The following CHM variants were observed in gnomAD, a reference collection of about 807,000 sequenced individuals.
CHM encodes the protein rab proteins geranylgeranyltransferase component A 1.
CHM carries 10 observed loss-of-function variants against 49.0 expected under a neutral mutation model. That is an observed-to-expected ratio of 0.20 (90% CI 0.13 to 0.35). The LOEUF (loss-of-function observed/expected upper bound fraction) is 0.35, where lower values mean the gene tolerates loss of function less well. Among genes scored for constraint, CHM ranks in the 10% least tolerant of loss-of-function variants. The pLI is 1.00. For missense variants in CHM, 455 were observed against 478.4 expected (o/e 0.95, Z 0.46); for synonymous variants, 184 against 167.5 (o/e 1.10, Z -0.76).
intron 14 of CHM, among the ~76,000 whole-genome samples, chrX:85,866,733 G>GCATGGCCTGGATGTGAGA (rs1923724537): frequency 8.8e-6 from 1 of 113,154 alleles, no homozygotes. Context: ...CCTTGTATCA[G>GCATGGCCTGGATGTGAGA]CATGGCCTGG....
intron 1 of CHM, among the ~76,000 whole-genome samples, chrX:86,041,038 T>A (rs762084328): frequency 8.9e-6 from 1 of 112,266 alleles, no homozygotes; most frequent in South Asian, 3.7e-4. Context: ...TTATATGGAA[T>A]TATAATTGTT....
chrX:85,926,832 A>G (rs1603253021), intron 8 of CHM, among the ~76,000 whole-genome samples: 1 of 111,811 alleles, frequency 8.9e-6, no homozygotes, highest in African/African-American at 3.2e-5. Context: ...TAAAATAAAA[A>G]TATCTCTCTC....
At chrX:85,994,212 A>T (rs184645345) in intron 2 of CHM, among the ~76,000 whole-genome samples, 1 of 112,207 alleles carries the variant, frequency 8.9e-6, no homozygotes, top group East Asian at 2.8e-4. Flanking sequence ...TTACTCTAAA[A>T]CTCATTTTCT....
At chrX:86,008,422 T>G (rs1390716240) in intron 2 of CHM, among the ~76,000 whole-genome samples, 1 of 111,323 alleles carries the variant, frequency 9.0e-6, no homozygotes, top group African/African-American at 3.3e-5. Flanking sequence ...AAAACTGCCA[T>G]GACACATGTT....
chrX:86,005,818 G>A (rs989349445), intron 2 of CHM, among the ~76,000 whole-genome samples: 4 of 111,567 alleles, frequency 3.6e-5, no homozygotes, highest in Admixed American at 1.9e-4. Flanking sequence ...ATTCACAGCC[G>A]AATTCTACCA....
intron 12 of CHM, among the ~76,000 whole-genome samples, chrX:85,882,310 T>G (rs766968148): frequency 6.3e-5 from 7 of 111,538 alleles, no homozygotes; most frequent in African/African-American, 1.9e-4. Context: ...ATAATGAACT[T>G]GCTCAATACA....
chrX:85,937,262 CAA>C (rs1160612271), intron 8 of CHM, among the ~76,000 whole-genome samples: 37 of 42,677 alleles, frequency 8.7e-4, no homozygotes, highest in African/African-American at 2.2e-3. Flanking sequence ...GAGACTCCGT[CAA>C]AAAAAAAAAA....
In CHM at chrX:85,981,905, A is replaced by G. The variant is rs972376855; in HGVS notation, c.117-96T>C. On this transcript the variant is annotated intron_variant, in intron 2 of 14. Transcript: ENST00000357749. ...CAAACCATCTTTAACCCTTAAACTT[A>G]CTTCACTTTTTAATATTACTGCCTC... is the stretch of plus-strand genomic sequence containing the variant. 8.7e-6 allele frequency: 6 copies of G among 690,200 alleles called. No homozygotes were observed. In the Admixed American group the frequency reaches 2.1e-4, roughly 24 times the overall value. 56.9% of individuals were successfully genotyped at this position (690,200 alleles called of 1,213,427 possible).
chrX:85,885,927 GT>G (rs1737970345), intron 12 of CHM, among the ~76,000 whole-genome samples: 3 of 111,377 alleles, frequency 2.7e-5, no homozygotes, highest in African/African-American at 9.7e-5. Context: ...TCCATTTAGA[GT>G]TAATGATTTT....
intron 11 of CHM, among the ~76,000 whole-genome samples, chrX:85,899,927 T>C (rs1926148898): frequency 9.0e-6 from 1 of 110,562 alleles, no homozygotes; most frequent in Non-Finnish European, 1.9e-5. Context: ...TTGATGAGGA[T>C]ACAGAAAAAA....
chrX:85,913,714 C>T (rs1927272749), intron 8 of CHM, among the ~76,000 whole-genome samples: 1 of 110,829 alleles, frequency 9.0e-6, no homozygotes, highest in African/African-American at 3.3e-5. Context: ...TAAAAAGATC[C>T]ATGAATGTAT....
intron 12 of CHM, among the ~76,000 whole-genome samples, chrX:85,887,748 T>G (rs1025162269): frequency 6.3e-5 from 7 of 111,266 alleles, no homozygotes; most frequent in African/African-American, 2.3e-4. Flanking sequence ...ATGAGGAACT[T>G]GTTGGGAACT....
At chrX:86,022,004 G>A (rs556528803) in intron 2 of CHM, among the ~76,000 whole-genome samples, 73 of 111,865 alleles carry the variant, frequency 6.5e-4, no homozygotes, top group African/African-American at 2.3e-3. Context: ...AGAAAGTGGA[G>A]TAGTGGTTGC....
At chrX:86,009,121 G>A (rs1482213253) in intron 2 of CHM, among the ~76,000 whole-genome samples, 1 of 111,987 alleles carries the variant, frequency 8.9e-6, no homozygotes, top group Non-Finnish European at 1.9e-5. Context: ...ATGGTGCTCT[G>A]CCAAGTAACA....
At chrX:86,012,015 C>A (rs1450922575) in intron 2 of CHM, among the ~76,000 whole-genome samples, 3 of 112,236 alleles carry the variant, frequency 2.7e-5, no homozygotes, top group Non-Finnish European at 5.6e-5. Context: ...AAGAATAAGT[C>A]TGTATTGGTT....
chrX:85,895,301 AT>A (rs762567120), intron 11 of CHM, among the ~76,000 whole-genome samples: 23,549 of 96,023 alleles, frequency 0.25, 2,286 homozygotes, highest in African/African-American at 0.27. Context: ...ACACCTGGCT[AT>A]TTTTTTTTTT....
intron 3 of CHM, among the ~76,000 whole-genome samples, chrX:85,980,764 T>C (rs1252580299): frequency 9.0e-6 from 1 of 111,459 alleles, no homozygotes; most frequent in East Asian, 2.8e-4. Flanking sequence ...TTATAAAAGT[T>C]GGCAAGCTCC....
At chrX:85,879,129 T>G in intron 12 of CHM, 66 bp from the exon 13 acceptor site, 1 of 769,851 alleles carries the variant, frequency 1.3e-6, no homozygotes, top group Non-Finnish European at 1.9e-6. Flanking sequence ...CTTAAGGCAT[T>G]AAGCTGGTAT....
At chrX:85,981,206 C>CTATATATA (rs1284378299) in intron 3 of CHM, among the ~76,000 whole-genome samples, 2 of 54,366 alleles carry the variant, frequency 3.7e-5, no homozygotes, top group African/African-American at 1.2e-4. Context: ...ATTTCTATTT[C>CTATATATA]TATATATATA....
Sources: gnomAD v4.1 joint callset for allele counts (sites outside exome capture counted in the v4.1 genomes callset) on GRCh38, gnomAD v4.1.1 for gene constraint, MANE v1.5 for transcripts, NCBI Gene and HGNC (gene_info 2026-07-23, HGNC 2026-07-21) for gene names.